NGF: variants seen among roughly 807,000 people sequenced by gnomAD.
The protein encoded by NGF is beta-nerve growth factor.
NGF carries 4 observed loss-of-function variants against 12.8 expected under a neutral mutation model. That is an observed-to-expected ratio of 0.31 (90% CI 0.15 to 0.72). NGF has a LOEUF of 0.72. Ranked by LOEUF, NGF falls within the 30% of genes least tolerant of loss-of-function variation. The probability of loss-of-function intolerance (pLI) is 0.69; values close to 1 mark genes in which losing one functional copy is unlikely to be tolerated. For missense variants in NGF, 283 were observed against 330.8 expected, an observed-to-expected ratio of 0.86 and a Z score of 1.12; for synonymous variants, 140 against 130.0, an observed-to-expected ratio of 1.08 and a Z score of -0.52.
At chr1:115,291,172 A>C (rs1053474690) in intron 2 of NGF, among the ~76,000 whole-genome samples, 2 of 152,198 alleles carry the variant, frequency 1.3e-5, no homozygotes, top group African/African-American at 4.8e-5. Flanking sequence ...TTTAGGTTTA[A>C]AGTTTTTTTA....
intron 1 of NGF, among the ~76,000 whole-genome samples, chr1:115,298,840 TGTGA>T (rs1653951517): frequency 6.6e-6 from 1 of 151,930 alleles, no homozygotes; most frequent in Non-Finnish European, 1.5e-5. Context: ...AGGAGAGCTC[TGTGA>T]GTAGGGAAAC....
rs77822032 is a variant in NGF, at chr1:115,321,301, G to A, written c.-137+16903C>T. ...GTATGATGTTGGTGCTTCATAAATA[G>A]TTGATGAAAGAATGGAAGGAAGAAA... On this transcript the variant is annotated intron_variant, in intron 1 of 2. Transcript: ENST00000369512. Among the ~76,000 whole-genome samples, 45 of 152,304 alleles carry A rather than the reference G, an allele frequency of 3.0e-4. No individual in the cohort carries two copies. The East Asian group carries it at 8.7e-3, about 29-fold the overall frequency.
At chr1:115,295,289 T>G (rs1029260758) in intron 1 of NGF, among the ~76,000 whole-genome samples, 2 of 152,180 alleles carry the variant, frequency 1.3e-5, no homozygotes, top group African/African-American at 4.8e-5. Flanking sequence ...TTCTTCTTCC[T>G]TTCCCATCCT....
chr1:115,294,376 T>C (rs1156759810), intron 1 of NGF, among the ~76,000 whole-genome samples: 3 of 152,252 alleles, frequency 2.0e-5, no homozygotes, highest in African/African-American at 7.2e-5. Flanking sequence ...CTGTAGTTTC[T>C]AGAAACAATG....
At chr1:115,309,597 C>G (rs907106251) in intron 1 of NGF, among the ~76,000 whole-genome samples, 2 of 152,064 alleles carry the variant, frequency 1.3e-5, no homozygotes, top group Non-Finnish European at 2.9e-5. Context: ...CCTGAAAGGC[C>G]CTGGTGTGTG....
intron 1 of NGF, among the ~76,000 whole-genome samples, chr1:115,300,969 T>C (rs113554177): frequency 2.5e-3 from 380 of 152,336 alleles, no homozygotes; most frequent in Non-Finnish European, 4.2e-3. Flanking sequence ...TTCGAGCTTA[T>C]GTTAAGGAGT....
intron 1 of NGF, among the ~76,000 whole-genome samples, chr1:115,311,046 G>A (rs1323987747): frequency 6.6e-6 from 1 of 152,150 alleles, no homozygotes; most frequent in Non-Finnish European, 1.5e-5. Context: ...GGCAAACAAG[G>A]GAGTTGAGAC....
At chr1:115,337,261 GTTTTTGTTTTTTT>G (rs1655140558) in intron 1 of NGF, among the ~76,000 whole-genome samples, 1 of 11,758 alleles carries the variant, frequency 8.5e-5, no homozygotes, top group Non-Finnish European at 1.9e-4. Context: ...TTTTTGTTTT[GTTTTTGTTTTTTT>G]TTTTTTTTTT....
At chr1:115,305,385 C>G (rs1654174182) in intron 1 of NGF, among the ~76,000 whole-genome samples, 1 of 152,148 alleles carries the variant, frequency 6.6e-6, no homozygotes, top group Non-Finnish European at 1.5e-5. Flanking sequence ...GTCCCTTGCT[C>G]TGCAATTCAC....
chr1:115,318,192 G>A (rs1302694930), intron 1 of NGF, among the ~76,000 whole-genome samples: 1 of 152,242 alleles, frequency 6.6e-6, no homozygotes, highest in African/African-American at 2.4e-5. Context: ...TTCTTAGGCA[G>A]AGGCCGCTCC....
chr1:115,318,117 C>T (rs1021132567), intron 1 of NGF, among the ~76,000 whole-genome samples: 1 of 152,124 alleles, frequency 6.6e-6, no homozygotes, highest in Non-Finnish European at 1.5e-5. Flanking sequence ...CCTGCAGGGG[C>T]TCCCAGAATG....
At chr1:115,316,250 C>G (rs1003254278) in intron 1 of NGF, among the ~76,000 whole-genome samples, 2 of 152,270 alleles carry the variant, frequency 1.3e-5, no homozygotes, top group Admixed American at 1.3e-4. Flanking sequence ...TAGTCCTAAA[C>G]TCCTGCCACA....
At position 115,286,376 on chromosome 1, in the gene NGF, G is replaced by T. The variant is rs751386981; in HGVS notation, c.420C>A (p.Ser140Arg). 1 of 1,613,878 alleles carries T rather than the reference G, an allele frequency of 6.2e-7. No individual in the cohort carries two copies. Among genetic ancestry groups the T allele is most frequent in the Admixed American group, 1.7e-5 (1 of 59,990 alleles). The change falls in exon 3 of 3, where the codon AGC (serine) becomes AGA (arginine). Residue 140 changes from serine to arginine, a missense_variant. This residue lies in a region of NGF where 132 missense variants were observed against 189.2 expected (regional missense o/e 0.70). Coordinates refer to ENST00000369512, the MANE Select transcript of NGF (RefSeq NM_002506.3). ...CGGTGGTCTTATCCCCAACCCACAC[G>T]CTGACACTGTCACACACCGAGAATT... The part of the protein sequence containing the change: ...RGEFSVCDSV[S>R]VWVGDKTTAT...
chr1:115,319,105 G>A (rs576715307), intron 1 of NGF, among the ~76,000 whole-genome samples: 2 of 152,322 alleles, frequency 1.3e-5, no homozygotes, highest in South Asian at 2.1e-4. Flanking sequence ...AAGTGGTTGC[G>A]TTCCACAGTG....
At chr1:115,302,457 T>C (rs1460639054) in intron 1 of NGF, among the ~76,000 whole-genome samples, 1 of 152,120 alleles carries the variant, frequency 6.6e-6, no homozygotes, top group African/African-American at 2.4e-5. Flanking sequence ...TGTTGTGCAA[T>C]CCACTGGGAT....
chr1:115,337,261 G>GTTTTTTTTTTTT (rs368973980), intron 1 of NGF, among the ~76,000 whole-genome samples: 5 of 11,754 alleles, frequency 4.3e-4, no homozygotes, highest in Non-Finnish European at 5.8e-4. Flanking sequence ...TTTTTGTTTT[G>GTTTTTTTTTTTT]TTTTTGTTTT....
chr1:115,311,285 C>T (rs867528314), intron 1 of NGF, among the ~76,000 whole-genome samples: 20 of 152,316 alleles, frequency 1.3e-4, no homozygotes, highest in African/African-American at 4.3e-4. Context: ...TCCCACTCTT[C>T]CCTTCATAAA....
chr1:115,310,831 G>T (rs1654316962), intron 1 of NGF, among the ~76,000 whole-genome samples: 1 of 147,950 alleles, frequency 6.8e-6, no homozygotes, highest in Non-Finnish European at 1.5e-5. Flanking sequence ...TATATTGGTT[G>T]TGTTTATCCC....
rs553959083 is a variant in NGF at position 115,299,539 on chromosome 1, A to C, written c.-136-5789T>G. Among the ~76,000 whole-genome samples the C allele has an allele frequency of 3.9e-5, 6 of 152,290 alleles. No individual in the cohort carries two copies. In the South Asian group the frequency reaches 1.2e-3, roughly 32 times the overall value. ...CCAGGGAGGTTTTCAAAGTGTGGGT[A>C]ATTACAACAACATTAATGTGGTGGA... On this transcript the variant is annotated intron_variant, in intron 1 of 2. Coordinates refer to ENST00000369512, the MANE Select transcript of NGF (RefSeq NM_002506.3).
Sources: allele counts gnomAD v4.1 joint callset (sites outside exome capture counted in the v4.1 genomes callset), GRCh38; gene constraint gnomAD v4.1.1; regional missense constraint gnomAD v4.1.1; transcripts MANE v1.5; gene names NCBI Gene and HGNC (gene_info 2026-07-23, HGNC 2026-07-21).